The following TGM3 variants were observed in gnomAD, a reference collection of about 807,000 sequenced individuals.
TGM3 encodes the protein protein-glutamine gamma-glutamyltransferase E.
A neutral mutation model predicts 73.8 loss-of-function variants in TGM3; 52 were observed. The ratio of observed to expected loss-of-function variants is 0.70; its 90% CI spans 0.56 to 0.89. TGM3 has a LOEUF of 0.89. TGM3 is among the 40% of genes least tolerant of loss of function. TGM3 has a pLI of 0.00. For synonymous variants in TGM3, 372 were observed against 354.9 expected (o/e 1.05, Z -0.54); for missense variants, 928 against 909.9 (o/e 1.02, Z -0.26).
intron 8 of TGM3, among the ~76,000 whole-genome samples, chr20:2,327,195 G>A (rs191093636): frequency 3.9e-5 from 6 of 152,300 alleles, no homozygotes; most frequent in Non-Finnish European, 5.9e-5. Context: ...ACTAGGCTGG[G>A]CGCAGTGGCT....
Position 2,335,131 on chromosome 20 carries a change from T to C in TGM3, c.1658T>C (p.Ile553Thr), listed in dbSNP as rs1001463911. The part of the protein sequence containing the change: ...LDPEEEAEHP[I>T]KISYAQYEKY... ...CTCCTTCCAGAGGCAGAACATCCCA[T>C]AAAGATCTCGTACGCTCAGTATGAG... is the stretch of plus-strand genomic sequence containing the variant. The change falls in exon 11 of 13, where the codon ATA (isoleucine) becomes ACA (threonine). Residue 553 changes from isoleucine to threonine, a missense_variant. Physicochemically the swap from Ile to Thr is moderately conservative, Grantham distance 89. Transcript: ENST00000381458. The C allele has an allele frequency of 9.3e-6, 15 of 1,614,174 alleles. No homozygotes were observed. Among genetic ancestry groups the C allele is most frequent in the Admixed American group, 1.7e-5 (1 of 60,034 alleles).
At chr20:2,316,642 A>T (rs889823155) in intron 5 of TGM3, among the ~76,000 whole-genome samples, 3 of 152,094 alleles carry the variant, frequency 2.0e-5, no homozygotes, top group African/African-American at 4.8e-5. Context: ...TTTTCGTAAG[A>T]CCATACACCA....
chr20:2,307,830 T>C (rs2084183438), intron 1 of TGM3, among the ~76,000 whole-genome samples: 1 of 152,226 alleles, frequency 6.6e-6, no homozygotes, highest in African/African-American at 2.4e-5. Flanking sequence ...CATCGCATGA[T>C]ATTAGTCTTT....
At chr20:2,339,785 G>A in intron 11 of TGM3, 69 bp from the exon 12 acceptor site, 2 of 1,603,960 alleles carry the variant, frequency 1.2e-6, no homozygotes, top group Non-Finnish European at 8.5e-7. Flanking sequence ...ACCCTGCCCA[G>A]CCCTCACCAA....
Position 2,310,243 on chromosome 20 carries a change from G to A in TGM3, c.247G>A (p.Gly83Ser), listed in dbSNP as rs1205280869. 6.2e-7 allele frequency: 1 copy of A among 1,614,230 alleles called. No homozygotes were observed. The highest frequency in any genetic ancestry group is 1.1e-5 in the South Asian group (1 of 91,090). ...VFPLSNGSSG[G>S]WSAVLQASNG... The stretch of plus-strand genomic sequence containing the variant: ...TCCACTCTCCAATGGCAGTAGTGGT[G>A]GCTGGAGTGCGGTGCTTCAGGCCAG... The change falls in exon 3 of 13, where the codon GGC (glycine) becomes AGC (serine). Residue 83 changes from glycine (G) to serine (S), a missense_variant. Physicochemically the swap from Gly to Ser is moderately conservative, Grantham distance 56. Transcript: ENST00000381458.
chr20:2,305,115 G>T (rs560617616), intron 1 of TGM3, among the ~76,000 whole-genome samples: 22 of 152,292 alleles, frequency 1.4e-4, no homozygotes, highest in Admixed American at 6.5e-4. Flanking sequence ...ATCCTTTGGG[G>T]TTTGGGTTTT....
rs563453318 is a variant in TGM3 at position 2,309,872 on chromosome 20, T to C, written c.181+42T>C. ...CTCCTTGCCCAAACACACACATACT[T>C]GAGTAGCCCTTGTTCATTCAAGGAC... On this transcript the variant is annotated intron_variant, in intron 2 of 12. Coordinates refer to ENST00000381458, the MANE Select transcript of TGM3 (RefSeq NM_003245.4). 2.8e-5 allele frequency: 45 copies of C among 1,611,318 alleles called. No homozygotes were observed. In the East Asian group the frequency reaches 7.6e-4, roughly 27 times the overall value.
intron 5 of TGM3, among the ~76,000 whole-genome samples, chr20:2,315,125 T>C (rs1175997140): frequency 6.6e-6 from 1 of 152,188 alleles, no homozygotes; most frequent in Non-Finnish European, 1.5e-5. Flanking sequence ...CTTAGAAGGC[T>C]GAGTCTCTTT....
chr20:2,318,570 T>G (rs1398379423), intron 7 of TGM3, among the ~76,000 whole-genome samples: 1 of 152,240 alleles, frequency 6.6e-6, no homozygotes, highest in African/African-American at 2.4e-5. Context: ...CAATGATGTC[T>G]ATATCTGTAG....
intron 7 of TGM3, among the ~76,000 whole-genome samples, chr20:2,318,702 A>T (rs1031658662): frequency 2.0e-5 from 3 of 152,244 alleles, no homozygotes; most frequent in Admixed American, 6.5e-5. Context: ...TAATCGTATG[A>T]CAGATGTAAT....
Position 2,320,479 on chromosome 20 carries a change from G to A in TGM3, c.983+2994G>A, listed in dbSNP as rs528675763. Among the ~76,000 whole-genome samples the A allele has an allele frequency of 3.3e-5, 5 of 152,308 alleles. No homozygotes were observed. The East Asian group carries it at 9.6e-4, about 29-fold the overall frequency. The stretch of plus-strand genomic sequence containing the variant: ...CGGGAGACATGTAGACATTCTAAGC[G>A]CATAACATTATGTAAGTTCCTTGCC... On this transcript the variant is annotated intron_variant, in intron 7 of 12. Transcript: ENST00000381458.
Position 2,332,460 on chromosome 20 carries a change from G to C in TGM3, c.1642+150G>C. ...GGTTAAGCCATGTATTAATGCTTTG[G>C]AAGTTTCTGTCTCTATGAACAGAGT... On this transcript the variant is annotated intron_variant, in intron 10 of 12. Coordinates refer to ENST00000381458, the MANE Select transcript of TGM3 (RefSeq NM_003245.4). The surrounding 1 kb of genome is among the most constrained non-coding windows in gnomAD (Gnocchi z 4.4). 1.2e-6 allele frequency: 1 copy of C among 841,636 alleles called. No homozygotes were observed. Among genetic ancestry groups the C allele is most frequent in the Non-Finnish European group, 1.8e-6 (1 of 561,308 alleles). The allele number at this position is 841,636 out of a possible 1,614,324, so 52.1% of individuals were successfully genotyped here.
intron 9 of TGM3, among the ~76,000 whole-genome samples, chr20:2,329,298 C>T (rs531767850): frequency 1.3e-4 from 20 of 152,164 alleles, no homozygotes; most frequent in South Asian, 2.1e-4. Flanking sequence ...TGGTGTTGGC[C>T]GAGTTTACAA....
chr20:2,328,876 G>A lies in TGM3; in HGVS notation c.1333+511G>A, dbSNP rs2084304942. Among the ~76,000 whole-genome samples the A allele has an allele frequency of 6.6e-6, 1 of 152,206 alleles. No homozygotes were observed. The highest frequency in any genetic ancestry group is 6.5e-5 in the Admixed American group (1 of 15,288). On this transcript the variant is annotated intron_variant, in intron 9 of 12. Transcript: ENST00000381458. This position sits in a 1 kb window ranked among gnomAD's most constrained non-coding sequence, Gnocchi z 5.2. ...AAGCCAGATGAGGTGTGATTACATG[G>A]TGTGAATGCCTGAGCTCCTGAAATC... is the stretch of plus-strand genomic sequence containing the variant.
rs754820145 is a variant in TGM3, at chr20:2,339,862, C to G, written c.1809C>G (p.Asn603Lys). 1 of 1,613,998 alleles carries G rather than the reference C, an allele frequency of 6.2e-7. No individual in the cohort carries two copies. Among genetic ancestry groups the G allele is most frequent in the Admixed American group, 1.7e-5 (1 of 60,018 alleles). ...DNPTLTLEVL[N>K]EARVRKPVNV... The stretch of plus-strand genomic sequence containing the variant: ...GCCCCTCTCCCCCATAGGTGCTGAA[C>G]GAGGCTCGTGTGCGGAAGCCTGTGA... The change falls in exon 12 of 13, where the codon AAC becomes AAG. Residue 603 changes from asparagine (N) to lysine (K), a missense_variant. Transcript: ENST00000381458.
At position 2,341,055 on chromosome 20, in the gene TGM3, A is replaced by C; in HGVS notation, c.*474A>C. 4.8e-6 allele frequency: 2 copies of C among 415,326 alleles called. No homozygotes were observed. The highest frequency in any genetic ancestry group is 3.4e-5 in the South Asian group (2 of 58,894). 25.7% of individuals were successfully genotyped at this position (415,326 alleles called of 1,614,324 possible). ...AGCACTCACACCCTAACTCAAAATA[A>C]ATGTTAAATAAGTGCGATCACACAG... On this transcript the variant is annotated 3_prime_UTR_variant, in exon 13 of 13. Coordinates refer to ENST00000381458, the MANE Select transcript of TGM3 (RefSeq NM_003245.4).
At position 2,317,332 on chromosome 20, in the gene TGM3, G is replaced by A. The variant is rs773530017; in HGVS notation, c.848-18G>A. 1.2e-5 allele frequency: 19 copies of A among 1,614,116 alleles called. 1 individual carries two copies. The highest frequency in any genetic ancestry group is 1.1e-4 in the South Asian group (10 of 91,082). On this transcript the variant is annotated intron_variant, in intron 6 of 12. Coordinates refer to ENST00000381458, the MANE Select transcript of TGM3 (RefSeq NM_003245.4). ...CCATCTCCACCACCTGAGTCCTCACGCCCACCCTGACTTGCAGCGCTGCGG... is the reference window on the plus strand; with the variant it reads ...CCATCTCCACCACCTGAGTCCTCACACCCACCCTGACTTGCAGCGCTGCGG...
chr20:2,327,493 A>G (rs1458457646), intron 8 of TGM3, among the ~76,000 whole-genome samples: 4 of 152,090 alleles, frequency 2.6e-5, no homozygotes, highest in Admixed American at 2.6e-4. Flanking sequence ...ACAAACAAAC[A>G]AACAAAAAAG....
chr20:2,332,236 C>A lies in TGM3; in HGVS notation c.1568C>A (p.Thr523Asn), dbSNP rs756792496. ...GTGACAGTGAACATGACAGCCTGGA[C>A]CATCATCTACAACGGCACGCTTGTA... ...KTVTVNMTAWTIIYNGTLVHE... is the reference protein window; with the variant it reads ...KTVTVNMTAWNIIYNGTLVHE... Residue 523 changes from threonine (T) to asparagine (N), a missense_variant, in exon 10 of 13, where the codon ACC (threonine) becomes AAC (asparagine). Physicochemically the swap from Thr to Asn is moderately conservative, Grantham distance 65. Transcript: ENST00000381458. This position sits in a 1 kb window ranked among gnomAD's most constrained non-coding sequence, Gnocchi z 4.4. 2 of 1,613,826 alleles carry A rather than the reference C, an allele frequency of 1.2e-6. No homozygotes were observed. Among genetic ancestry groups the A allele is most frequent in the Non-Finnish European group, 1.7e-6 (2 of 1,179,958 alleles).
Sources: gnomAD v4.1 joint callset for allele counts (sites outside exome capture counted in the v4.1 genomes callset) on GRCh38, gnomAD v4.1.1 for gene constraint, Gnocchi (gnomAD v3.1) non-coding constraint, MANE v1.5 for transcripts, NCBI Gene and HGNC (gene_info 2026-07-23, HGNC 2026-07-21) for gene names.